ZFP90: variants seen among roughly 807,000 people sequenced by gnomAD.
ZFP90 encodes ZFP90 zinc finger protein, also known as zinc finger protein 90 homolog.
In ZFP90, 38 loss-of-function variants were observed where a neutral mutation model predicts 60.8. The ratio of observed to expected loss-of-function variants is 0.62; its 90% CI spans 0.48 to 0.82. The LOEUF (loss-of-function observed/expected upper bound fraction) is 0.82, where lower values mean the gene tolerates loss of function less well. Among genes scored for constraint, ZFP90 ranks in the 40% least tolerant of loss-of-function variants. ZFP90 has a pLI of 0.00. For synonymous variants in ZFP90, 287 were observed against 264.8 expected, an observed-to-expected ratio of 1.08 and a Z score of -0.82; for missense variants, 711 against 759.1, an observed-to-expected ratio of 0.94 and a Z score of 0.74.
At chr16:68,569,136 C>CTTTTT (rs35827680), downstream of ZFP90, among the ~76,000 whole-genome samples, 1,754 of 123,008 alleles carry the variant, frequency 0.014, 105 homozygotes, top group East Asian at 0.04. Context: ...ATTAGTCCCA[C>CTTTTT]TTTTTTTTTT....
Position 68,567,121 on chromosome 16 carries a change from T to C in ZFP90, c.*2423T>C, listed in dbSNP as rs2091540978. The C allele has an allele frequency of 1.0e-6, 1 of 985,462 alleles. No individual in the cohort carries two copies. The highest frequency in any genetic ancestry group is 1.7e-5 in the African/African-American group (1 of 57,240). The allele number at this position is 985,462 out of a possible 1,614,324, so 61.0% of individuals were successfully genotyped here. On this transcript the variant is annotated 3_prime_UTR_variant, in exon 5 of 5. Transcript: ENST00000563169. The stretch of plus-strand genomic sequence containing the variant: ...ATTGTATTCTTTCAATAAATAGCCT[T>C]CTGAGTTGAATGGGAGTCAGTTTGT...
intron 3 of ZFP90, 59 bp from the exon 4 acceptor site, chr16:68,558,414 G>A: frequency 1.3e-6 from 2 of 1,499,240 alleles, no homozygotes; most frequent in Non-Finnish European, 1.9e-6. Flanking sequence ...CTTGTCCTTA[G>A]GAGGGTTCTT....
intron 2 of ZFP90, chr16:68,555,078 A>C (rs979533690): frequency 1.3e-5 from 2 of 152,308 alleles, no homozygotes; most frequent in Admixed American, 6.5e-5. Flanking sequence ...TGCAGGTGGC[A>C]CTTACCTCTT....
At chr16:68,561,130 G>A (rs1019070764) in intron 4 of ZFP90, among the ~76,000 whole-genome samples, 1 of 150,014 alleles carries the variant, frequency 6.7e-6, no homozygotes, top group South Asian at 2.1e-4. Context: ...CCTGAGCTCA[G>A]GCAATGTGCC....
chr16:68,567,219 C>T (rs2091541605), downstream of ZFP90: 6 of 940,024 alleles, frequency 6.4e-6, no homozygotes, highest in African/African-American at 1.8e-5. Context: ...CTGCTAAACT[C>T]ATCACAGCCA....
upstream of ZFP90, among the ~76,000 whole-genome samples, chr16:68,536,985 C>A (rs756225886): frequency 6.6e-6 from 1 of 152,214 alleles, no homozygotes; most frequent in Admixed American, 6.5e-5. Flanking sequence ...ACTCTCTTAT[C>A]CCTCACTCTG....
Position 68,564,374 on chromosome 16 carries a change from G to C in ZFP90, c.1587G>C (p.Glu529Asp), listed in dbSNP as rs776453014. 1 of 1,613,682 alleles carries C rather than the reference G, an allele frequency of 6.2e-7. No homozygotes were observed. The highest frequency in any genetic ancestry group is 8.5e-7 in the Non-Finnish European group (1 of 1,179,920). ...GAGAGAAACCCTATGAATGTAATGA[G>C]TGTGGAGAAGCCTTTAGTCGACGCT... is the stretch of plus-strand genomic sequence containing the variant. ...HTGEKPYECN[E>D]CGEAFSRRSS... Residue 529 changes from glutamate to aspartate, a missense_variant, in exon 5 of 5, where the codon GAG becomes GAC. Coordinates refer to ENST00000563169, the MANE Select transcript of ZFP90 (RefSeq NM_001305203.2).
chr16:68,565,375 A>T lies in ZFP90; in HGVS notation c.*677A>T. On this transcript the variant is annotated 3_prime_UTR_variant, in exon 5 of 5. Coordinates refer to ENST00000563169, the MANE Select transcript of ZFP90 (RefSeq NM_001305203.2). ...AATTTTAAGATGTATCAGATACACAAACATTTAATGGGCACCTATGGGTTG... is the reference window on the plus strand; with the variant it reads ...AATTTTAAGATGTATCAGATACACATACATTTAATGGGCACCTATGGGTTG... The T allele has an allele frequency of 1.0e-6, 1 of 985,628 alleles. No homozygotes were observed. The highest frequency in any genetic ancestry group is 1.2e-6 in the Non-Finnish European group (1 of 829,946). The allele number at this position is 985,628 out of a possible 1,614,324, so 61.1% of individuals were successfully genotyped here. A position where few individuals can be genotyped will look rare whatever the true frequency, so the allele number is the denominator to read the frequency against.
chr16:68,575,755 T>C (rs972412911), intron 2 of ZFP90: 8 of 398,148 alleles, frequency 2.0e-5, no homozygotes, highest in African/African-American at 6.2e-5. Flanking sequence ...AGCTTGAAGG[T>C]TGGGTTTCAG....
downstream of ZFP90, among the ~76,000 whole-genome samples, chr16:68,570,109 C>A (rs2091560168): frequency 6.6e-6 from 1 of 151,866 alleles, no homozygotes; most frequent in African/African-American, 2.4e-5. Context: ...CCATTTCTTG[C>A]ATCACTCAAT....
At position 68,564,287 on chromosome 16, in the gene ZFP90, TG is replaced by T; in HGVS notation, c.1501del (p.Val501TyrfsTer13). ...CTGGAGAGAAACCCTATCAATGTAATGTATGTGGGAAAGCTTTCAAAAGGAG... is the reference window on the plus strand; with the variant it reads ...CTGGAGAGAAACCCTATCAATGTAATTATGTGGGAAAGCTTTCAAAAGGAG... ...HPGEKPYQCN[V>X]CGKAFKRSTS... On this transcript the variant is annotated frameshift_variant, in exon 5 of 5. Coordinates refer to ENST00000563169, the MANE Select transcript of ZFP90 (RefSeq NM_001305203.2). LOFTEE classifies it high-confidence loss of function. The T allele has an allele frequency of 1.2e-6, 2 of 1,614,068 alleles. No homozygotes were observed. Among genetic ancestry groups the T allele is most frequent in the Non-Finnish European group, 1.7e-6 (2 of 1,180,004 alleles).
At chr16:68,546,890 A>G (rs967176045) in intron 2 of ZFP90, among the ~76,000 whole-genome samples, 21 of 152,246 alleles carry the variant, frequency 1.4e-4, no homozygotes, top group African/African-American at 5.1e-4. Flanking sequence ...AAGTCGTAGC[A>G]TATATCAGAA....
At chr16:68,533,848 C>T (rs756723176) in exon 2 of ZFP90, 1 of 152,134 alleles carries the variant, frequency 6.6e-6, no homozygotes, top group Non-Finnish European at 1.5e-5. Flanking sequence ...ATTTTCATTC[C>T]TTCAAAGGTA....
Position 68,565,668 on chromosome 16 carries a change from A to C in ZFP90, c.*970A>C, listed in dbSNP as rs986636313. 1.6e-5 allele frequency: 16 copies of C among 985,470 alleles called. No individual in the cohort carries two copies. Among genetic ancestry groups the C allele is most frequent in the East Asian group, 1.1e-4 (1 of 8,970 alleles). 61.0% of individuals were successfully genotyped at this position (985,470 alleles called of 1,614,324 possible). A position where few individuals can be genotyped will look rare whatever the true frequency, so the allele number is the denominator to read the frequency against. ...AGCACTTTCTTAAGCCTACAGTATC[A>C]GATCAATGGGAAAACAACAGAAAAC... On this transcript the variant is annotated 3_prime_UTR_variant, in exon 5 of 5. Transcript: ENST00000563169.
upstream of ZFP90, among the ~76,000 whole-genome samples, chr16:68,537,965 T>C (rs552322889): frequency 1.3e-5 from 2 of 152,048 alleles, no homozygotes; most frequent in Admixed American, 6.6e-5. Context: ...CAGGTTGGAG[T>C]GCAATGGTGC....
At chr16:68,538,564 G>C (rs972346908), upstream of ZFP90, among the ~76,000 whole-genome samples, 1 of 152,156 alleles carries the variant, frequency 6.6e-6, no homozygotes, top group Non-Finnish European at 1.5e-5. Flanking sequence ...AGACGGGCCT[G>C]GTGACGCATC....
At chr16:68,552,687 C>T (rs1241238001) in intron 2 of ZFP90, among the ~76,000 whole-genome samples, 2 of 152,076 alleles carry the variant, frequency 1.3e-5, no homozygotes, top group Admixed American at 1.3e-4. Context: ...TGGAGGTCCC[C>T]AGGGGACTAG....
chr16:68,536,362 T>G (rs971359843), upstream of ZFP90, among the ~76,000 whole-genome samples: 2 of 152,152 alleles, frequency 1.3e-5, no homozygotes, highest in East Asian at 1.9e-4. Flanking sequence ...TGGAGTACAG[T>G]GGCACGATCT....
upstream of ZFP90, among the ~76,000 whole-genome samples, chr16:68,537,488 T>A (rs941907746): frequency 2.0e-5 from 3 of 152,230 alleles, no homozygotes; most frequent in Admixed American, 6.5e-5. Context: ...CGGTCCACTC[T>A]AATTCATACT....
Sources: gnomAD v4.1 joint callset for allele counts (sites outside exome capture counted in the v4.1 genomes callset) on GRCh38, gnomAD v4.1.1 for gene constraint, MANE v1.5 for transcripts, NCBI Gene and HGNC (gene_info 2026-07-23, HGNC 2026-07-21) for gene names.